ANXA3: variants seen among roughly 807,000 people sequenced by gnomAD.
ANXA3 encodes annexin A3, also known as 35-alpha calcimedin.
In ANXA3, 46 loss-of-function variants were observed where a neutral mutation model predicts 48.8. The ratio of observed to expected loss-of-function variants is 0.94; its 90% CI spans 0.74 to 1.21. The LOEUF (loss-of-function observed/expected upper bound fraction) is 1.21. ANXA3 is among the 50% of genes most tolerant of loss of function. ANXA3 has a pLI of 0.00. For missense variants in ANXA3, 383 were observed against 378.6 expected, an observed-to-expected ratio of 1.01 and a Z score of -0.10; for synonymous variants, 128 against 134.7, an observed-to-expected ratio of 0.95 and a Z score of 0.35.
chr4:78,572,867 T>C (rs1484925267), intron 2 of ANXA3, among the ~76,000 whole-genome samples: 3 of 152,182 alleles, frequency 2.0e-5, no homozygotes, highest in Admixed American at 2.0e-4. Flanking sequence ...ACAAGGGTAG[T>C]TTAGCTTTTG....
chr4:78,561,563 C>A (rs772798810), intron 2 of ANXA3, among the ~76,000 whole-genome samples: 4 of 152,078 alleles, frequency 2.6e-5, no homozygotes, highest in Non-Finnish European at 5.9e-5. Flanking sequence ...GATGTGATTG[C>A]TCTTCTTTGC....
chr4:78,565,644 TC>T (rs1722714670), intron 2 of ANXA3, among the ~76,000 whole-genome samples: 1 of 152,176 alleles, frequency 6.6e-6, no homozygotes, highest in Non-Finnish European at 1.5e-5. Context: ...TAGGTTCAAA[TC>T]CTGGCTGTGC....
intron 7 of ANXA3, among the ~76,000 whole-genome samples, chr4:78,595,004 T>C (rs1003424137): frequency 6.6e-6 from 1 of 152,168 alleles, no homozygotes; most frequent in Non-Finnish European, 1.5e-5. Flanking sequence ...TGTGGTGGTG[T>C]GCACCTGTAG....
chr4:78,598,799 C>T (rs1331770484), intron 10 of ANXA3, among the ~76,000 whole-genome samples: 1 of 151,962 alleles, frequency 6.6e-6, no homozygotes, highest in African/African-American at 2.4e-5. Context: ...CTCTGCCTCC[C>T]AAAGTGCTGG....
intron 6 of ANXA3, among the ~76,000 whole-genome samples, chr4:78,588,410 T>G (rs1352249125): frequency 6.6e-6 from 1 of 151,938 alleles, no homozygotes; most frequent in African/African-American, 2.4e-5. Context: ...AAAGAAGAAT[T>G]GCTAAACACC....
chr4:78,595,349 A>T, intron 7 of ANXA3, 32 bp from the exon 8 acceptor site: 2 of 1,612,006 alleles, frequency 1.2e-6, no homozygotes, highest in Non-Finnish European at 8.5e-7. Context: ...CTATCTTTAA[A>T]GGATGGCCCT....
chr4:78,595,793 G>T lies in ANXA3; in HGVS notation c.541-1G>T. 1 of 1,584,604 alleles carries T rather than the reference G, an allele frequency of 6.3e-7. No homozygotes were observed. Among genetic ancestry groups the T allele is most frequent in the Non-Finnish European group, 8.7e-7 (1 of 1,154,042 alleles). Reference sequence around the variant, plus strand: ...CTCTAATATCATTCTCTTGTGAATAGATTCTCTATAAAGCTGGTGAGAACA... The same window carrying T: ...CTCTAATATCATTCTCTTGTGAATATATTCTCTATAAAGCTGGTGAGAACA... On this transcript the variant is annotated splice_acceptor_variant, in intron 8 of 12. Transcript: ENST00000264908. LOFTEE classifies it high-confidence loss of function.
At chr4:78,572,951 CAA>C (rs1344842716) in intron 2 of ANXA3, 1 of 617,504 alleles carries the variant, frequency 1.6e-6, no homozygotes, top group Non-Finnish European at 3.0e-6. Flanking sequence ...CAGGAATGAG[CAA>C]AGACAGCCAG....
At chr4:78,598,452 A>G (rs1361150210) in intron 10 of ANXA3, among the ~76,000 whole-genome samples, 2 of 152,196 alleles carry the variant, frequency 1.3e-5, no homozygotes, top group Non-Finnish European at 1.5e-5. Flanking sequence ...TAGAATTGAG[A>G]TCAGTCTTCA....
intron 3 of ANXA3, among the ~76,000 whole-genome samples, chr4:78,574,954 T>A (rs1722916942): frequency 6.6e-6 from 1 of 152,256 alleles, no homozygotes; most frequent in Non-Finnish European, 1.5e-5. Flanking sequence ...CTGAAATGAA[T>A]GCAGAAATTA....
chr4:78,597,337 A>T lies in ANXA3; in HGVS notation c.653A>T (p.Asn218Ile), dbSNP rs1723442882. The stretch of plus-strand genomic sequence containing the variant: ...TTTTTAGCATTTGATGAATACAGAA[A>T]TATCAGCCAAAAGGACATTGTGGAC... ...QLKLTFDEYR[N>I]ISQKDIVDSI... is the part of the protein sequence containing the mutation. Residue 218 changes from asparagine (N) to isoleucine (I), a missense_variant, in exon 10 of 13, where the codon AAT (asparagine) becomes ATT (isoleucine). Coordinates refer to ENST00000264908, the MANE Select transcript of ANXA3 (RefSeq NM_005139.3). 6.2e-7 allele frequency: 1 copy of T among 1,609,226 alleles called. No homozygotes were observed. The highest frequency in any genetic ancestry group is 1.1e-5 in the South Asian group (1 of 90,102).
chr4:78,601,844 C>G (rs557698798), intron 11 of ANXA3: 179 of 298,396 alleles, frequency 6.0e-4, no homozygotes, highest in African/African-American at 3.4e-3. Flanking sequence ...CTCATTTTCT[C>G]TAATATGATG....
At chr4:78,565,835 G>A (rs1391141568) in intron 2 of ANXA3, among the ~76,000 whole-genome samples, 2 of 152,206 alleles carry the variant, frequency 1.3e-5, no homozygotes, top group Non-Finnish European at 2.9e-5. Flanking sequence ...GGAAGAAATA[G>A]CTTGGGAGGA....
At chr4:78,580,905 T>G (rs565835686) in intron 4 of ANXA3, among the ~76,000 whole-genome samples, 1 of 152,378 alleles carries the variant, frequency 6.6e-6, no homozygotes, top group African/African-American at 2.4e-5. Context: ...GACAACACTT[T>G]CACATACAGA....
chr4:78,591,990 T>G (rs1723307669), intron 7 of ANXA3, among the ~76,000 whole-genome samples: 1 of 152,226 alleles, frequency 6.6e-6, no homozygotes, highest in Non-Finnish European at 1.5e-5. Context: ...CTCTGAAGAA[T>G]AAATATTTCT....
intron 4 of ANXA3, 45 bp from the exon 5 acceptor site, chr4:78,582,132 G>GA (rs766997397): frequency 8.9e-6 from 12 of 1,349,948 alleles, no homozygotes; most frequent in African/African-American, 1.4e-5. Flanking sequence ...TAGAGAAAGA[G>GA]AAAAAAAGTA....
intron 2 of ANXA3, among the ~76,000 whole-genome samples, chr4:78,565,089 G>A (rs1722704484): frequency 6.6e-6 from 1 of 151,196 alleles, no homozygotes; most frequent in South Asian, 2.1e-4. Flanking sequence ...TGCCTCCTGG[G>A]TTCAAGTGAT....
intron 12 of ANXA3, among the ~76,000 whole-genome samples, chr4:78,605,518 G>A (rs1426004767): frequency 6.6e-6 from 1 of 151,940 alleles, no homozygotes; most frequent in Non-Finnish European, 1.5e-5. Context: ...CTTTTGTCTG[G>A]TCATATTTTC....
chr4:78,553,138 GGCAGAA>G (rs1322374587), intron 1 of ANXA3, among the ~76,000 whole-genome samples: 4 of 152,196 alleles, frequency 2.6e-5, no homozygotes, highest in Non-Finnish European at 4.4e-5. Context: ...AGCAGATTAA[GGCAGAA>G]GCATGGGGGT....
Sources: gnomAD v4.1 joint callset for allele counts (sites outside exome capture counted in the v4.1 genomes callset) on GRCh38, gnomAD v4.1.1 for gene constraint, MANE v1.5 for transcripts, NCBI Gene and HGNC (gene_info 2026-07-23, HGNC 2026-07-21) for gene names.